The following MCTP1 variants were observed in gnomAD, a reference collection of about 807,000 sequenced individuals.
MCTP1 encodes multiple C2 and transmembrane domain containing 1.
MCTP1 carries 69 observed loss-of-function variants against 120.6 expected under a neutral mutation model. The ratio of observed to expected loss-of-function variants is 0.57; its 90% CI spans 0.47 to 0.70. The LOEUF (loss-of-function observed/expected upper bound fraction) is 0.70. Among genes scored for constraint, MCTP1 ranks in the 30% least tolerant of loss-of-function variants. The pLI is 0.00. For missense variants in MCTP1, 1,203 were observed against 1,248.8 expected, an observed-to-expected ratio of 0.96 and a Z score of 0.55; for synonymous variants, 529 against 493.1, an observed-to-expected ratio of 1.07 and a Z score of -0.96.
chr5:94,708,438 A>C, intron 22 of MCTP1, 74 bp downstream of exon 22: 2 of 871,602 alleles, frequency 2.3e-6, no homozygotes, highest in South Asian at 3.1e-5. Context: ...TTGAAATTAG[A>C]AGGATATAAA....
intron 1 of MCTP1, among the ~76,000 whole-genome samples, chr5:95,152,282 A>C (rs1744607673): frequency 6.6e-6 from 1 of 152,148 alleles, no homozygotes; most frequent in Non-Finnish European, 1.5e-5. Context: ...CTCTTCCACT[A>C]TTTTTGCATT....
At chr5:94,709,315 A>G (rs1755902977) in intron 21 of MCTP1, 1 of 152,064 alleles carries the variant, frequency 6.6e-6, no homozygotes, top group Non-Finnish European at 1.5e-5. Context: ...TTCAGCAATC[A>G]CCTACCACTA....
chr5:94,962,340 C>A (rs971279732), intron 2 of MCTP1, among the ~76,000 whole-genome samples: 2 of 151,900 alleles, frequency 1.3e-5, no homozygotes, highest in African/African-American at 2.4e-5. Context: ...AACATACTTG[C>A]ACATGCATGT....
chr5:94,852,044 A>G (rs1256505459), intron 17 of MCTP1, among the ~76,000 whole-genome samples: 1 of 151,948 alleles, frequency 6.6e-6, no homozygotes, highest in Non-Finnish European at 1.5e-5. Flanking sequence ...ATGGTTCTCT[A>G]TAATTAAATT....
At chr5:95,230,209 CACATAT>C (rs1467859312) in intron 1 of MCTP1, among the ~76,000 whole-genome samples, 2 of 148,192 alleles carry the variant, frequency 1.3e-5, no homozygotes, top group Admixed American at 6.8e-5. Flanking sequence ...TATATACACA[CACATAT>C]ACACATACAT....
intron 17 of MCTP1, among the ~76,000 whole-genome samples, chr5:94,839,918 A>T (rs998465236): frequency 6.6e-6 from 1 of 152,214 alleles, no homozygotes; most frequent in Non-Finnish European, 1.5e-5. Flanking sequence ...ATTTGCCTTA[A>T]TTGAAAGAAA....
chr5:94,889,782 A>ACC (rs1554128979), intron 11 of MCTP1, among the ~76,000 whole-genome samples: 31 of 148,960 alleles, frequency 2.1e-4, no homozygotes, highest in African/African-American at 7.0e-4. Flanking sequence ...ACACACACAC[A>ACC]CCCCTCTATG....
intron 1 of MCTP1, among the ~76,000 whole-genome samples, chr5:95,093,436 T>C (rs1755998461): frequency 6.6e-6 from 1 of 152,106 alleles, no homozygotes; most frequent in Non-Finnish European, 1.5e-5. Context: ...CACTGAAATT[T>C]AGGTATGTCG....
At chr5:94,984,024 A>C (rs1830008076) in intron 2 of MCTP1, among the ~76,000 whole-genome samples, 1 of 152,224 alleles carries the variant, frequency 6.6e-6, no homozygotes, top group Non-Finnish European at 1.5e-5. Flanking sequence ...AAGTGAGTCA[A>C]ATATCTGCTT....
Position 94,710,860 on chromosome 5 carries a change from T to C in MCTP1, c.2788A>G (p.Ile930Val), listed in dbSNP as rs1179054623. The C allele has an allele frequency of 6.2e-7, 1 of 1,613,048 alleles. No homozygotes were observed. Among genetic ancestry groups the C allele is most frequent in the South Asian group, 1.1e-5 (1 of 91,048 alleles). Reference protein sequence around the residue: ...AIVALCVFTAILYCIPLRYIV... With the variant: ...AIVALCVFTAVLYCIPLRYIV... ...TATCTCAGCGGAATGCAGTACAGGA[T>C]GGCTGTGAACACACAGAGGGCTACA... The change falls in exon 21 of 23, where the codon ATC becomes GTC. Residue 930 changes from isoleucine to valine, a missense_variant. Physicochemically the swap from Ile to Val is conservative, Grantham distance 29. Around this residue, in one of 2 missense-constraint regions of MCTP1, gnomAD observed 740 missense variants for 871.1 expected, o/e 0.85. Coordinates refer to ENST00000515393, the MANE Select transcript of MCTP1 (RefSeq NM_024717.7).
intron 1 of MCTP1, among the ~76,000 whole-genome samples, chr5:95,074,031 G>T (rs540576441): frequency 7.9e-5 from 12 of 152,246 alleles, no homozygotes; most frequent in Non-Finnish European, 2.9e-5. Context: ...CAGAAGAATC[G>T]CTTGAACCTG....
At chr5:94,727,194 A>T (rs985761129) in intron 19 of MCTP1, among the ~76,000 whole-genome samples, 5 of 152,230 alleles carry the variant, frequency 3.3e-5, no homozygotes, top group African/African-American at 1.2e-4. Context: ...AGGAAAGAGG[A>T]GGTGGTCAGC....
chr5:94,865,586 C>T (rs1451559534), intron 17 of MCTP1, among the ~76,000 whole-genome samples: 3 of 151,786 alleles, frequency 2.0e-5, no homozygotes, highest in African/African-American at 7.2e-5. Context: ...GAAAGCTGTT[C>T]TTTTCAATAA....
At position 95,091,440 on chromosome 5, in the gene MCTP1, G is replaced by A. The variant is rs1308413790; in HGVS notation, c.721-73956C>T. On this transcript the variant is annotated intron_variant, in intron 1 of 22. Transcript: ENST00000515393. ...CCCTTGAAACTCAGATGACTTTTGT[G>A]ACTGTTTTAACCAATAAAGTATGAC... 4.6e-5 allele frequency among the ~76,000 whole-genome samples: 7 copies of A among 152,136 alleles called. No individual in the cohort carries two copies. The East Asian group carries it at 1.3e-3, about 29-fold the overall frequency.
intron 1 of MCTP1, among the ~76,000 whole-genome samples, chr5:95,177,047 G>C (rs1239880515): frequency 6.6e-6 from 1 of 151,434 alleles, no homozygotes; most frequent in Non-Finnish European, 1.5e-5. Context: ...GAGAGAGAGA[G>C]AGACATGAAA....
intron 17 of MCTP1, among the ~76,000 whole-genome samples, chr5:94,854,681 C>A (rs1010358938): frequency 1.3e-5 from 2 of 151,846 alleles, no homozygotes; most frequent in African/African-American, 4.8e-5. Context: ...AGTCCCCATA[C>A]TGTGTGATCC....
chr5:94,718,832 G>A (rs529165554), intron 19 of MCTP1, among the ~76,000 whole-genome samples: 1 of 152,126 alleles, frequency 6.6e-6, no homozygotes, highest in Non-Finnish European at 1.5e-5. Flanking sequence ...CAATTCTCCT[G>A]CCTCAGCCTC....
intron 17 of MCTP1, among the ~76,000 whole-genome samples, chr5:94,839,126 T>C (rs1410277558): frequency 6.6e-6 from 1 of 152,160 alleles, no homozygotes; most frequent in Non-Finnish European, 1.5e-5. Flanking sequence ...AACACAGAGA[T>C]AAATACTCCC....
intron 17 of MCTP1, among the ~76,000 whole-genome samples, chr5:94,863,967 G>A (rs1796310567): frequency 6.6e-6 from 1 of 151,760 alleles, no homozygotes; most frequent in South Asian, 2.1e-4. Context: ...TACTAAAATA[G>A]GGATTGAATA....
Sources: allele counts gnomAD v4.1 joint callset (sites outside exome capture counted in the v4.1 genomes callset), GRCh38; gene constraint gnomAD v4.1.1; regional missense constraint gnomAD v4.1.1; transcripts MANE v1.5; gene names NCBI Gene and HGNC (gene_info 2026-07-23, HGNC 2026-07-21).